The following FANCI variants were observed in gnomAD, a reference collection of about 807,000 sequenced individuals.
FANCI encodes the protein FA complementation group I, also known as Fanconi anemia group I protein.
Under a neutral mutation model 176.1 loss-of-function variants are expected in FANCI, and 156 were observed. The observed-to-expected ratio is 0.89, with a 90% confidence interval of 0.78 to 1.01. The LOEUF is 1.01. FANCI is among the 50% of genes least tolerant of loss of function. FANCI has a pLI of 0.00. For synonymous variants in FANCI, 613 were observed against 541.7 expected (o/e 1.13, Z -1.83); for missense variants, 1,678 against 1,534.1 (o/e 1.09, Z -1.57).
rs369370209 is a variant in FANCI at position 89,307,859 on chromosome 15, A to G, written c.3651+187A>G. The G allele has an allele frequency of 3.4e-6, 5 of 1,464,660 alleles. No individual in the cohort carries two copies. In the African/African-American group the frequency reaches 5.7e-5, roughly 17 times the overall value. The allele number at this position is 1,464,660 out of a possible 1,614,324, so 90.7% of individuals were successfully genotyped here. A position where few individuals can be genotyped will look rare whatever the true frequency, so the allele number is the denominator to read the frequency against. On this transcript the variant is annotated intron_variant, in intron 34 of 37. Transcript: ENST00000310775. ...GCAGCAAGGACATCTTTATGTAAAG[A>G]AAACTGTTTCACTTAATTTGGAGAA...
intron 13 of FANCI, among the ~76,000 whole-genome samples, chr15:89,277,127 T>C (rs1222834538): frequency 2.6e-5 from 4 of 152,238 alleles, no homozygotes; most frequent in Non-Finnish European, 5.9e-5. Flanking sequence ...CAATTGTTTC[T>C]GACCTAGAAG....
At chr15:89,309,892 G>A (rs1446969097) in intron 34 of FANCI, among the ~76,000 whole-genome samples, 2 of 152,176 alleles carry the variant, frequency 1.3e-5, no homozygotes, top group Non-Finnish European at 2.9e-5. Context: ...CCCTTGTTAT[G>A]ATTCAAAAGT....
downstream of FANCI, chr15:89,317,142 T>G (rs993992126): frequency 3.3e-6 from 2 of 600,838 alleles, no homozygotes; most frequent in Non-Finnish European, 5.9e-6. Flanking sequence ...TCTTCTGTGG[T>G]TGAAGTAGGG....
chr15:89,313,963 A>C (rs2055074121), intron 35 of FANCI, among the ~76,000 whole-genome samples: 2 of 147,918 alleles, frequency 1.4e-5, no homozygotes, highest in Admixed American at 6.8e-5. Context: ...TTAGGGGGAA[A>C]GATATATAAT....
Position 89,261,876 on chromosome 15 carries a change from C to G in FANCI, c.501C>G (p.Gly167=). 1 of 1,613,812 alleles carries G rather than the reference C, an allele frequency of 6.2e-7. No homozygotes were observed. The highest frequency in any genetic ancestry group is 8.5e-7 in the Non-Finnish European group (1 of 1,179,824). ...KKQLINTLCS[G]RWDQQYVIQL... ...AGTTGATTAACACCCTGTGTTCTGG[C>G]AGGTGAGTCTTGTTAATATGTATAA... Residue 167 remains glycine (G), a splice_region_variant and synonymous_variant, in exon 6 of 38, where the codon GGC becomes GGG. Coordinates refer to ENST00000310775, the MANE Select transcript of FANCI (RefSeq NM_001113378.2).
Position 89,316,781 on chromosome 15 carries a change from G to A in FANCI, c.*322G>A, listed in dbSNP as rs3179578. On this transcript the variant is annotated 3_prime_UTR_variant, in exon 38 of 38. Coordinates refer to ENST00000310775, the MANE Select transcript of FANCI (RefSeq NM_001113378.2). ...GTCCAGGCTGGCTTCGTTTTTCCAA[G>A]GAGCCTTTGGTGAGTTCAATTATCT... The A allele has an allele frequency of 6.2e-7, 1 of 1,614,068 alleles. No individual in the cohort carries two copies.
At chr15:89,307,144 T>G (rs549749796) in intron 32 of FANCI, among the ~76,000 whole-genome samples, 1 of 152,226 alleles carries the variant, frequency 6.6e-6, no homozygotes, top group African/African-American at 2.4e-5. Context: ...GTGGCTAAGC[T>G]GCTGTAGTGG....
intron 1 of FANCI, chr15:89,245,244 C>T (rs539026168): frequency 3.7e-4 from 56 of 149,770 alleles, no homozygotes; most frequent in African/African-American, 1.3e-3. Context: ...TCTCGGCTCA[C>T]TGCAACCTCC....
chr15:89,305,465 C>G, intron 30 of FANCI, 56 bp downstream of exon 30: 1 of 1,611,292 alleles, frequency 6.2e-7, no homozygotes, highest in Non-Finnish European at 8.5e-7. Context: ...CCATTCTACT[C>G]CATGTGAAGT....
Position 89,299,840 on chromosome 15 carries a change from G to A in FANCI, c.2677G>A (p.Glu893Lys). 6.2e-7 allele frequency: 1 copy of A among 1,613,962 alleles called. No individual in the cohort carries two copies. The highest frequency in any genetic ancestry group is 8.5e-7 in the Non-Finnish European group (1 of 1,179,982). Reference protein sequence around the residue: ...WRYTSIPTSVEESGKKEKGKS... With the variant: ...WRYTSIPTSVKESGKKEKGKS... ...ATACACTTCAATTCCTACTTCAGTG[G>A]AAGAGTCGGGAAAGAAAGAGAAAGG... The change falls in exon 25 of 38, where the codon GAA becomes AAA. Residue 893 changes from glutamate to lysine, a missense_variant. This residue lies in a region of FANCI where 1,204 missense variants were observed against 1,077.4 expected (regional missense o/e 1.12). Coordinates refer to ENST00000310775, the MANE Select transcript of FANCI (RefSeq NM_001113378.2).
intron 37 of FANCI, among the ~76,000 whole-genome samples, chr15:89,316,049 C>G (rs1232542582): frequency 6.6e-6 from 1 of 152,206 alleles, no homozygotes; most frequent in Non-Finnish European, 1.5e-5. Flanking sequence ...ACTCCAGGCT[C>G]TAATGTACCT....
rs116380142 is a variant in FANCI at position 89,312,912 on chromosome 15, T to C, written c.3660T>C (p.Ser1220=). The change falls in exon 35 of 38, where the codon AGT becomes AGC. Residue 1220 remains serine, a synonymous_variant. Transcript: ENST00000310775. Reference sequence around the variant, plus strand: ...TGTTTCTATTTCTTTAGAATAAGAGTAAGAGCCTGAACTATACGGGAGAGA... The same window carrying C: ...TGTTTCTATTTCTTTAGAATAAGAGCAAGAGCCTGAACTATACGGGAGAGA... ...YSFISYVQNK[S]KSLNYTGEKK... is the part of the protein sequence containing the mutation. 340 of 1,611,274 alleles carry C rather than the reference T, an allele frequency of 2.1e-4. 1 individual carries two copies. The African/African-American group carries it at 4.2e-3, about 20-fold the overall frequency.
chr15:89,267,332 A>ATT (rs1159827768), intron 9 of FANCI, among the ~76,000 whole-genome samples: 4,180 of 94,754 alleles, frequency 0.044, 187 homozygotes, highest in African/African-American at 0.11. Context: ...AAAAAAAAAA[A>ATT]TTTTTTTTTT....
intron 13 of FANCI, among the ~76,000 whole-genome samples, chr15:89,278,426 T>C (rs2053486630): frequency 6.6e-6 from 1 of 152,252 alleles, no homozygotes; most frequent in Admixed American, 6.5e-5. Flanking sequence ...TGTTTGATGC[T>C]GAACCTTATA....
intron 11 of FANCI, 42 bp downstream of exon 11, chr15:89,273,511 TAAAAAAAAA>T (rs34985075): frequency 4.0e-5 from 19 of 476,308 alleles, no homozygotes; most frequent in African/African-American, 1.2e-4. Flanking sequence ...CTGTAGTTGG[TAAAAAAAAA>T]AAAAAAAAAA....
chr15:89,300,290 C>A lies in FANCI; in HGVS notation c.2804-10C>A. On this transcript the variant is annotated splice_polypyrimidine_tract_variant and intron_variant, in intron 25 of 37. Coordinates refer to ENST00000310775, the MANE Select transcript of FANCI (RefSeq NM_001113378.2). ...ATCAAAGAAGACAAGAGTTTCTTTT[C>A]CATTCCTAGATGTCACAGATAAGGA... The A allele has an allele frequency of 6.2e-7, 1 of 1,611,650 alleles. No individual in the cohort carries two copies. The highest frequency in any genetic ancestry group is 8.5e-7 in the Non-Finnish European group (1 of 1,178,028).
At chr15:89,298,679 G>C (rs1041122637) in intron 24 of FANCI, among the ~76,000 whole-genome samples, 1 of 152,110 alleles carries the variant, frequency 6.6e-6, no homozygotes, top group Non-Finnish European at 1.5e-5. Flanking sequence ...TCTTTGAGAA[G>C]ATCAATAAAT....
Position 89,283,121 on chromosome 15 carries a change from C to G in FANCI, c.1584-15C>G, listed in dbSNP as rs199531931. ...GAAATAGTACTGTTTGTTAACTTCT[C>G]TATTTCTGAGCTAGCCAGCTTGATG... On this transcript the variant is annotated splice_polypyrimidine_tract_variant and intron_variant, in intron 16 of 37. Coordinates refer to ENST00000310775, the MANE Select transcript of FANCI (RefSeq NM_001113378.2). 692 of 1,613,900 alleles carry G rather than the reference C, an allele frequency of 4.3e-4. 3 individuals carry two copies. Among genetic ancestry groups the G allele is most frequent in the Admixed American group, 1.4e-3 (86 of 60,000 alleles).
intron 12 of FANCI, among the ~76,000 whole-genome samples, chr15:89,275,775 T>G (rs1299594583): frequency 1.3e-5 from 2 of 152,222 alleles, no homozygotes; most frequent in Non-Finnish European, 2.9e-5. Context: ...AAATCTCAAC[T>G]GTCATAGGAC....
Sources: gnomAD v4.1 joint callset for allele counts (sites outside exome capture counted in the v4.1 genomes callset) on GRCh38, gnomAD v4.1.1 for gene constraint, gnomAD v4.1.1 regional missense constraint, MANE v1.5 for transcripts, NCBI Gene and HGNC (gene_info 2026-07-23, HGNC 2026-07-21) for gene names.